The following IRAK2 variants were observed in gnomAD, a reference collection of about 807,000 sequenced individuals.
IRAK2 encodes the protein interleukin 1 receptor associated kinase 2, also known as interleukin-1 receptor-associated kinase-like 2.
In IRAK2, 57 loss-of-function variants were observed where a neutral mutation model predicts 72.0. That is an observed-to-expected ratio of 0.79 (90% CI 0.64 to 0.99). The LOEUF is 0.99. Ranked by LOEUF, IRAK2 falls within the 50% of genes least tolerant of loss-of-function variation. The probability of loss-of-function intolerance (pLI) is 0.00; values close to 1 mark genes in which losing one functional copy is unlikely to be tolerated. For synonymous variants in IRAK2, 293 were observed against 312.7 expected (o/e 0.94, Z 0.67); for missense variants, 790 against 794.4 (o/e 0.99, Z 0.07).
In IRAK2 at chr3:10,191,252, G is replaced by A. The variant is rs572960185; in HGVS notation, c.278-9117G>A. On this transcript the variant is annotated intron_variant, in intron 2 of 12. Coordinates refer to ENST00000256458, the MANE Select transcript of IRAK2 (RefSeq NM_001570.4). ...GGAGCTTGCAGTGAGCCGAGATCGC[G>A]CCACTGCACTCCAGCCTGGGCAACA... Among the ~76,000 whole-genome samples the A allele has an allele frequency of 6.0e-5, 9 of 150,910 alleles. No homozygotes were observed. The East Asian group carries it at 9.7e-4, about 16-fold the overall frequency.
At chr3:10,220,347 T>C (rs1329485566) in intron 8 of IRAK2, among the ~76,000 whole-genome samples, 1 of 152,196 alleles carries the variant, frequency 6.6e-6, no homozygotes. Context: ...CCAGAATATC[T>C]GGCAGAACTG....
intron 12 of IRAK2, among the ~76,000 whole-genome samples, chr3:10,239,362 T>C (rs1311645598): frequency 6.6e-6 from 1 of 152,178 alleles, no homozygotes; most frequent in African/African-American, 2.4e-5. Flanking sequence ...TCCTCCATCC[T>C]GGCCCCTCCC....
intron 2 of IRAK2, among the ~76,000 whole-genome samples, chr3:10,194,414 C>A (rs1697232351): frequency 6.6e-6 from 1 of 152,100 alleles, no homozygotes; most frequent in Non-Finnish European, 1.5e-5. Flanking sequence ...GAGGCTGCCC[C>A]TGTCTATCTG....
At chr3:10,220,080 C>T (rs763719452) in intron 8 of IRAK2, among the ~76,000 whole-genome samples, 4 of 152,232 alleles carry the variant, frequency 2.6e-5, no homozygotes, top group Admixed American at 1.3e-4. Flanking sequence ...CTTGCTGCGT[C>T]GCACTGTCCA....
At chr3:10,192,423 C>T (rs766991201) in intron 2 of IRAK2, among the ~76,000 whole-genome samples, 44 of 152,308 alleles carry the variant, frequency 2.9e-4, no homozygotes, top group Admixed American at 6.5e-4. Flanking sequence ...GCCCAGGCCC[C>T]GTCAGCCAAA....
intron 3 of IRAK2, among the ~76,000 whole-genome samples, chr3:10,201,573 C>T (rs1165946993): frequency 3.9e-5 from 6 of 152,248 alleles, no homozygotes; most frequent in Non-Finnish European, 8.8e-5. Context: ...GCATCATACT[C>T]ACTGCTATCC....
chr3:10,192,537 G>C (rs1214403722), intron 2 of IRAK2, among the ~76,000 whole-genome samples: 2 of 152,180 alleles, frequency 1.3e-5, no homozygotes, highest in Non-Finnish European at 2.9e-5. Context: ...GCTTTCTTCA[G>C]ATATAAGACA....
intron 1 of IRAK2, among the ~76,000 whole-genome samples, chr3:10,167,410 C>G (rs1007666050): frequency 1.8e-4 from 27 of 151,598 alleles, no homozygotes; most frequent in Non-Finnish European, 3.7e-4. Context: ...TGCGTCAATA[C>G]TTAGTTTCTT....
intron 4 of IRAK2, among the ~76,000 whole-genome samples, chr3:10,211,931 T>C (rs1049645646): frequency 6.6e-6 from 1 of 151,740 alleles, no homozygotes; most frequent in African/African-American, 2.4e-5. Context: ...TTACAAAAAA[T>C]TAGCCGGACA....
chr3:10,210,121 A>C (rs2125154661), intron 4 of IRAK2, among the ~76,000 whole-genome samples: 1 of 152,178 alleles, frequency 6.6e-6, no homozygotes, highest in Middle Eastern at 3.4e-3. Flanking sequence ...GGGTCTCACC[A>C]TGTTGGCCAG....
At chr3:10,235,310 T>A (rs947079707) in intron 11 of IRAK2, among the ~76,000 whole-genome samples, 1 of 152,038 alleles carries the variant, frequency 6.6e-6, no homozygotes, top group African/African-American at 2.4e-5. Flanking sequence ...CTTGATCTTT[T>A]TTTTTTTTCT....
At chr3:10,230,705 A>G (rs1328409440) in intron 10 of IRAK2, among the ~76,000 whole-genome samples, 1 of 152,028 alleles carries the variant, frequency 6.6e-6, no homozygotes, top group African/African-American at 2.4e-5. Context: ...AGTAATTGGG[A>G]CCACAGGCAC....
chr3:10,181,163 T>A (rs1447441284), intron 2 of IRAK2, among the ~76,000 whole-genome samples: 1 of 151,940 alleles, frequency 6.6e-6, no homozygotes, highest in Non-Finnish European at 1.5e-5. Context: ...GTGGAGAGGG[T>A]CAGCTAGCTG....
intron 4 of IRAK2, among the ~76,000 whole-genome samples, chr3:10,212,704 C>A (rs1234589484): frequency 6.6e-6 from 1 of 151,728 alleles, no homozygotes; most frequent in African/African-American, 2.4e-5. Flanking sequence ...GTAACTCACC[C>A]AAGGTCACAG....
chr3:10,220,377 C>T (rs191967347), intron 8 of IRAK2, among the ~76,000 whole-genome samples: 80 of 152,264 alleles, frequency 5.3e-4, no homozygotes, highest in Admixed American at 4.9e-3. Flanking sequence ...ACACAGAACT[C>T]GTATTTCCCC....
At chr3:10,229,422 G>A (rs769196680) in intron 10 of IRAK2, among the ~76,000 whole-genome samples, 3 of 152,168 alleles carry the variant, frequency 2.0e-5, no homozygotes, top group South Asian at 4.1e-4. Flanking sequence ...GCCTGTATGA[G>A]TTTTGACAAA....
At chr3:10,219,882 CCT>C (rs1305951789) in intron 8 of IRAK2, 93 bp downstream of exon 8, 16 of 799,010 alleles carry the variant, frequency 2.0e-5, no homozygotes, top group Non-Finnish European at 3.2e-5. Flanking sequence ...GCCACTCACC[CCT>C]GTCCTCTTTG....
At chr3:10,207,850 G>C (rs537700612) in intron 3 of IRAK2, among the ~76,000 whole-genome samples, 3 of 151,978 alleles carry the variant, frequency 2.0e-5, no homozygotes, top group Non-Finnish European at 4.4e-5. Context: ...AAAATTAGCC[G>C]GCATCATGGC....
intron 8 of IRAK2, among the ~76,000 whole-genome samples, chr3:10,220,585 G>A (rs1015999088): frequency 1.3e-5 from 2 of 152,084 alleles, no homozygotes; most frequent in African/African-American, 4.8e-5. Context: ...TGGGATTACA[G>A]GTGCTCGCCA....
Sources: gnomAD v4.1 joint callset for allele counts (sites outside exome capture counted in the v4.1 genomes callset) on GRCh38, gnomAD v4.1.1 for gene constraint, MANE v1.5 for transcripts, NCBI Gene and HGNC (gene_info 2026-07-23, HGNC 2026-07-21) for gene names.